Variants in FAM13A observed in about 807,000 individuals in gnomAD.
The protein encoded by FAM13A is protein FAM13A.
Under a neutral mutation model 129.6 loss-of-function variants are expected in FAM13A, and 76 were observed. The ratio of observed to expected loss-of-function variants is 0.59; its 90% CI spans 0.49 to 0.71. The LOEUF (loss-of-function observed/expected upper bound fraction) is 0.71. FAM13A is among the 30% of genes least tolerant of loss of function. FAM13A has a pLI of 0.00. For missense variants in FAM13A, 1,108 were observed against 1,249.3 expected (o/e 0.89, Z 1.70); for synonymous variants, 443 against 449.9 (o/e 0.98, Z 0.20).
At chr4:88,753,198 A>C (rs1742983300) in intron 14 of FAM13A, among the ~76,000 whole-genome samples, 1 of 152,244 alleles carries the variant, frequency 6.6e-6, no homozygotes, top group African/African-American at 2.4e-5. Flanking sequence ...CTGTGTATAC[A>C]AATTTTTACT....
At chr4:89,056,596 T>C (rs1021259759) in intron 1 of FAM13A, among the ~76,000 whole-genome samples, 1 of 152,194 alleles carries the variant, frequency 6.6e-6, no homozygotes, top group African/African-American at 2.4e-5. Context: ...AGCCACAAGA[T>C]TTCTCTAATA....
At chr4:88,866,611 C>T (rs139430559) in intron 6 of FAM13A, among the ~76,000 whole-genome samples, 1 of 150,870 alleles carries the variant, frequency 6.6e-6, no homozygotes, top group Non-Finnish European at 1.5e-5. Flanking sequence ...GTCCAGAATA[C>T]AAAAAAAAAT....
In FAM13A at chr4:88,780,440, A is replaced by C. The variant is rs73844122; in HGVS notation, c.1458+725T>G. Among the ~76,000 whole-genome samples, 1,255 of 152,170 alleles carry C rather than the reference A, an allele frequency of 8.2e-3. 20 individuals are homozygous for C. The highest frequency in any genetic ancestry group is 0.028 in the African/African-American group (1,173 of 41,520). On this transcript the variant is annotated intron_variant, in intron 11 of 23. Transcript: ENST00000264344. ...ACGCCATGTTATAAAATTTATCTTC[A>C]GGTTTTTGGGTTTGTTGTTTTCTTT...
intron 2 of FAM13A, among the ~76,000 whole-genome samples, chr4:89,027,142 T>A (rs1768067594): frequency 6.6e-6 from 1 of 152,200 alleles, no homozygotes; most frequent in Non-Finnish European, 1.5e-5. Flanking sequence ...TTTTCTCCTA[T>A]ACATACATAT....
At chr4:88,933,729 C>A (rs1227673881) in intron 5 of FAM13A, among the ~76,000 whole-genome samples, 3 of 152,136 alleles carry the variant, frequency 2.0e-5, no homozygotes, top group Non-Finnish European at 2.9e-5. Flanking sequence ...ATCATCCATG[C>A]CCAATTTACC....
At position 88,749,051 on chromosome 4, in the gene FAM13A, A is replaced by G. The variant is rs1019786736; in HGVS notation, c.2080-18T>C. 1.3e-6 allele frequency: 2 copies of G among 1,579,314 alleles called. No homozygotes were observed. The highest frequency in any genetic ancestry group is 1.1e-5 in the South Asian group (1 of 90,162). On this transcript the variant is annotated intron_variant, in intron 16 of 23. Coordinates refer to ENST00000264344, the MANE Select transcript of FAM13A (RefSeq NM_014883.4). Reference sequence around the variant, plus strand: ...TGGGAAGGCTGAGAAAAGGAAGTCTAGAGTAAATGCTTTGGAACTGGAGCA... The same window carrying G: ...TGGGAAGGCTGAGAAAAGGAAGTCTGGAGTAAATGCTTTGGAACTGGAGCA...
intron 6 of FAM13A, among the ~76,000 whole-genome samples, chr4:88,853,283 G>A (rs1385253079): frequency 6.6e-6 from 1 of 152,024 alleles, no homozygotes; most frequent in African/African-American, 2.4e-5. Context: ...TGTATACACT[G>A]TGGAACAGTT....
intron 1 of FAM13A, among the ~76,000 whole-genome samples, chr4:89,045,146 GA>G (rs1166430157): frequency 6.6e-6 from 1 of 151,952 alleles, no homozygotes; most frequent in Non-Finnish European, 1.5e-5. Context: ...ACACAAATCA[GA>G]AATAAAAAAA....
rs1277410369 is a variant in FAM13A, at chr4:88,758,744, A to G, written c.1726+10T>C. On this transcript the variant is annotated intron_variant, in intron 14 of 23. Coordinates refer to ENST00000264344, the MANE Select transcript of FAM13A (RefSeq NM_014883.4). ...TGATAGCAAATCATCCAAGTATCAG[A>G]CAACCCTACCTTCCCAGTTCTTTTC... is the stretch of plus-strand genomic sequence containing the variant. The G allele has an allele frequency of 6.2e-7, 1 of 1,608,112 alleles. No homozygotes were observed. The highest frequency in any genetic ancestry group is 1.1e-5 in the South Asian group (1 of 90,506).
intron 7 of FAM13A, among the ~76,000 whole-genome samples, chr4:88,812,376 G>A (rs149412183): frequency 3.9e-5 from 6 of 152,016 alleles, no homozygotes; most frequent in Admixed American, 2.0e-4. Context: ...ACACTAGTTC[G>A]TCCTTAGCCT....
At chr4:88,927,319 G>A (rs1458484880) in intron 5 of FAM13A, among the ~76,000 whole-genome samples, 3 of 151,422 alleles carry the variant, frequency 2.0e-5, no homozygotes, top group East Asian at 1.9e-4. Context: ...TTTGTATCTC[G>A]AGCCTTTACC....
In FAM13A at chr4:88,909,650, C is replaced by T. The variant is rs559227417; in HGVS notation, c.760-3188G>A. Among the ~76,000 whole-genome samples the T allele has an allele frequency of 1.6e-4, 24 of 152,208 alleles. 1 individual carries two copies. In the East Asian group the frequency reaches 4.6e-3, roughly 29 times the overall value. ...TACAGGTGTGCACCACCATGCCCAG[C>T]TAATTTTTGTATTTTTAGTAGAGAT... On this transcript the variant is annotated intron_variant, in intron 5 of 23. Coordinates refer to ENST00000264344, the MANE Select transcript of FAM13A (RefSeq NM_014883.4).
chr4:88,876,883 G>A (rs1430333655), intron 6 of FAM13A, among the ~76,000 whole-genome samples: 3 of 152,192 alleles, frequency 2.0e-5, no homozygotes, highest in African/African-American at 4.8e-5. Context: ...GAGCCACCGC[G>A]CCCAGACCGC....
rs1742373197 is a variant in FAM13A, at chr4:88,750,613, CAGG to C, written c.1748_1750del (p.Ser583del). 1 of 1,613,788 alleles carries C rather than the reference CAGG, an allele frequency of 6.2e-7. No individual in the cohort carries two copies. The highest frequency in any genetic ancestry group is 1.1e-5 in the South Asian group (1 of 91,064). On this transcript the variant is annotated inframe_deletion, in exon 15 of 24. Coordinates refer to ENST00000264344, the MANE Select transcript of FAM13A (RefSeq NM_014883.4). ...ATCAGAGTCACTGTTCTCCCGCTGC[CAGG>C]AGGAGAAAGCAGGGATAGGCTCTGG...
intron 4 of FAM13A, among the ~76,000 whole-genome samples, chr4:88,974,106 T>C (rs931268860): frequency 1.3e-5 from 2 of 152,224 alleles, no homozygotes; most frequent in African/African-American, 2.4e-5. Flanking sequence ...CAGTATTCAC[T>C]GTGAGAATCG....
intron 3 of FAM13A, among the ~76,000 whole-genome samples, chr4:88,994,689 A>T (rs547318334): frequency 6.6e-6 from 1 of 152,136 alleles, no homozygotes; most frequent in South Asian, 2.1e-4. Flanking sequence ...AAAATACAAA[A>T]ATTAGCTGGG....
intron 6 of FAM13A, among the ~76,000 whole-genome samples, chr4:88,869,142 A>G (rs1740937175): frequency 6.6e-6 from 1 of 152,210 alleles, no homozygotes; most frequent in South Asian, 2.1e-4. Context: ...CTTTGTCTTC[A>G]TCCATTCCAG....
chr4:88,745,690 A>C (rs924970508), intron 19 of FAM13A, among the ~76,000 whole-genome samples: 1 of 152,110 alleles, frequency 6.6e-6, no homozygotes. Context: ...GGAGAAGGAG[A>C]AAGTTTCACA....
chr4:88,973,041 T>G (rs574119530), intron 4 of FAM13A, among the ~76,000 whole-genome samples: 2 of 152,320 alleles, frequency 1.3e-5, no homozygotes, highest in South Asian at 4.1e-4. Flanking sequence ...AGCTTACCTC[T>G]TTGCTCCTCT....
Sources: allele counts gnomAD v4.1 joint callset (sites outside exome capture counted in the v4.1 genomes callset), GRCh38; gene constraint gnomAD v4.1.1; transcripts MANE v1.5; gene names NCBI Gene and HGNC (gene_info 2026-07-23, HGNC 2026-07-21).